Variants in CCDC7 observed in about 807,000 individuals in gnomAD.
CCDC7 encodes coiled-coil domain containing 7, also known as coiled-coil domain-containing protein 7.
In CCDC7, 183 loss-of-function variants were observed where a neutral mutation model predicts 196.9. The ratio of observed to expected loss-of-function variants is 0.93; its 90% CI spans 0.82 to 1.05. The LOEUF (loss-of-function observed/expected upper bound fraction) is 1.05. Ranked by LOEUF, CCDC7 falls within the 50% of genes least tolerant of loss-of-function variation. The pLI is 0.00. For synonymous variants in CCDC7, 525 were observed against 484.6 expected (o/e 1.08, Z -1.10); for missense variants, 1,540 against 1,482.2 (o/e 1.04, Z -0.64).
At chr10:32,549,839 G>A (rs1289116629) in intron 13 of CCDC7, among the ~76,000 whole-genome samples, 1 of 152,114 alleles carries the variant, frequency 6.6e-6, no homozygotes, top group Non-Finnish European at 1.5e-5. Flanking sequence ...TTTGAAATCA[G>A]GTAGTGTGAT....
intron 11 of CCDC7, among the ~76,000 whole-genome samples, chr10:32,539,216 T>G (rs1342494019): frequency 1.3e-5 from 2 of 152,158 alleles, no homozygotes; most frequent in African/African-American, 4.8e-5. Context: ...GGATTCAGTT[T>G]CTTCCTGGAT....
intron 9 of CCDC7, among the ~76,000 whole-genome samples, chr10:32,511,163 A>G (rs754422659): frequency 6.7e-6 from 1 of 149,562 alleles, no homozygotes; most frequent in Non-Finnish European, 1.5e-5. Flanking sequence ...TGATCTTTGG[A>G]GAGGAAAGTA....
At chr10:32,757,323 T>G (rs1216719484) in intron 28 of CCDC7, among the ~76,000 whole-genome samples, 1 of 152,238 alleles carries the variant, frequency 6.6e-6, no homozygotes, top group East Asian at 1.9e-4. Context: ...CACATCACAC[T>G]TATTCCAAAA....
chr10:32,670,867 G>A (rs1170084285), intron 21 of CCDC7, among the ~76,000 whole-genome samples: 1 of 151,368 alleles, frequency 6.6e-6, no homozygotes, highest in Non-Finnish European at 1.5e-5. Flanking sequence ...GGTTTAGTTT[G>A]TTCTATTTTC....
chr10:32,777,045 T>C (rs2134215140), intron 28 of CCDC7, among the ~76,000 whole-genome samples: 1 of 152,274 alleles, frequency 6.6e-6, no homozygotes, highest in Non-Finnish European at 1.5e-5. Flanking sequence ...TTTTACCCCT[T>C]CTTCCTCCCC....
chr10:32,627,960 T>C (rs2064290514), intron 18 of CCDC7, among the ~76,000 whole-genome samples: 1 of 152,060 alleles, frequency 6.6e-6, no homozygotes, highest in Non-Finnish European at 1.5e-5. Context: ...TCAAGGATAT[T>C]GGTCAGTAAT....
chr10:32,706,391 A>G (rs1461931485), intron 24 of CCDC7, among the ~76,000 whole-genome samples: 7 of 152,136 alleles, frequency 4.6e-5, no homozygotes, highest in Admixed American at 3.9e-4. Context: ...TCGATACCCT[A>G]ACATCACAAT....
chr10:32,492,276 T>A (rs895803007), intron 9 of CCDC7, among the ~76,000 whole-genome samples: 1 of 152,074 alleles, frequency 6.6e-6, no homozygotes, highest in South Asian at 2.1e-4. Context: ...GGGAAAATAG[T>A]ATATTGGTTC....
At chr10:32,630,882 C>A (rs2064770397) in intron 18 of CCDC7, among the ~76,000 whole-genome samples, 1 of 152,160 alleles carries the variant, frequency 6.6e-6, no homozygotes, top group Non-Finnish European at 1.5e-5. Context: ...GTCTACCCAA[C>A]CTCTTGTGAG....
chr10:32,528,313 T>C (rs1003803036), intron 11 of CCDC7, among the ~76,000 whole-genome samples: 10 of 152,038 alleles, frequency 6.6e-5, no homozygotes, highest in African/African-American at 1.9e-4. Context: ...GTTACATGAA[T>C]AGGTTCTTTA....
chr10:32,631,016 A>T (rs1342008190), intron 18 of CCDC7, among the ~76,000 whole-genome samples: 1 of 152,188 alleles, frequency 6.6e-6, no homozygotes, highest in Non-Finnish European at 1.5e-5. Flanking sequence ...TTCAGAATCC[A>T]GCTGCCATTC....
chr10:32,814,549 G>T (rs1270125811), intron 31 of CCDC7, 96 bp downstream of exon 32: 12 of 801,282 alleles, frequency 1.5e-5, no homozygotes, highest in Non-Finnish European at 2.4e-5. Flanking sequence ...CAGTGCCTAT[G>T]AATTATTACA....
At chr10:32,471,301 G>A in intron 6 of CCDC7, 71 bp downstream of exon 7, 2 of 1,525,948 alleles carry the variant, frequency 1.3e-6, no homozygotes, top group Non-Finnish European at 1.8e-6. Context: ...CTGAATGTAA[G>A]ATAATGGGTC....
At chr10:32,671,730 G>C (rs935407838) in intron 21 of CCDC7, among the ~76,000 whole-genome samples, 1 of 152,096 alleles carries the variant, frequency 6.6e-6, no homozygotes, top group Non-Finnish European at 1.5e-5. Context: ...TAGTTTAGCT[G>C]TTGAAAGACC....
At chr10:32,784,472 G>T (rs979446775) in intron 29 of CCDC7, among the ~76,000 whole-genome samples, 2 of 152,174 alleles carry the variant, frequency 1.3e-5, no homozygotes, top group Non-Finnish European at 2.9e-5. Flanking sequence ...GTGGGAATAT[G>T]CGGTGTTTGG....
intron 41 of CCDC7, among the ~76,000 whole-genome samples, chr10:32,858,103 A>C (rs1368970044): frequency 6.6e-6 from 1 of 152,160 alleles, no homozygotes; most frequent in African/African-American, 2.4e-5. Context: ...TAGACAAACC[A>C]ATACCAAATA....
intron 24 of CCDC7, among the ~76,000 whole-genome samples, chr10:32,703,773 C>G (rs1015558548): frequency 6.6e-6 from 1 of 151,974 alleles, no homozygotes; most frequent in Non-Finnish European, 1.5e-5. Flanking sequence ...TTTGATCTTC[C>G]ATCACTGATA....
At chr10:32,721,872 C>T (rs1014563653) in intron 25 of CCDC7, among the ~76,000 whole-genome samples, 1 of 152,058 alleles carries the variant, frequency 6.6e-6, no homozygotes, top group African/African-American at 2.4e-5. Context: ...AAAGAGTATA[C>T]GAGATGTCAG....
intron 13 of CCDC7, among the ~76,000 whole-genome samples, chr10:32,551,796 G>T (rs1208725244): frequency 6.6e-6 from 1 of 152,058 alleles, no homozygotes; most frequent in Non-Finnish European, 1.5e-5. Context: ...TAAATTTATT[G>T]AGGCTCATTT....
Sources: allele counts gnomAD v4.1 joint callset (sites outside exome capture counted in the v4.1 genomes callset), GRCh38; gene constraint gnomAD v4.1.1; transcripts MANE v1.5; gene names NCBI Gene and HGNC (gene_info 2026-07-23, HGNC 2026-07-21).